The following TMCO6 variants were observed in gnomAD, a reference collection of about 807,000 sequenced individuals.
TMCO6 encodes transmembrane and coiled-coil domain-containing protein 6.
Under a neutral mutation model 61.8 loss-of-function variants are expected in TMCO6, and 47 were observed. The observed-to-expected ratio is 0.76, with a 90% CI of 0.60 to 0.97. The LOEUF is 0.97. Among genes scored for constraint, TMCO6 ranks in the 50% least tolerant of loss-of-function variants. TMCO6 has a pLI of 0.00. For synonymous variants in TMCO6, 261 were observed against 254.2 expected (o/e 1.03, Z -0.25); for missense variants, 557 against 601.6 (o/e 0.93, Z 0.78).
the TMCO6 span, among the ~76,000 whole-genome samples, chr5:140,601,407 T>G: frequency 6.6e-6 from 1 of 152,174 alleles, no homozygotes; most frequent in African/African-American, 2.4e-5. Context: ...AAGGTAAGGT[T>G]TCTTGAATTC....
chr5:140,604,062 T>C, the TMCO6 span, among the ~76,000 whole-genome samples: 1 of 152,198 alleles, frequency 6.6e-6, no homozygotes, highest in African/African-American at 2.4e-5. Context: ...TGATATCTCA[T>C]TGTGCCTTTA....
At chr5:140,620,560 C>G in the TMCO6 span, among the ~76,000 whole-genome samples, 3 of 152,066 alleles carry the variant, frequency 2.0e-5, no homozygotes, top group African/African-American at 7.2e-5. Flanking sequence ...GTAGGTTTGT[C>G]AATTGTAACA....
At chr5:140,609,964 C>T in the TMCO6 span, among the ~76,000 whole-genome samples, 15 of 152,042 alleles carry the variant, frequency 9.9e-5, no homozygotes, top group African/African-American at 3.6e-4. Flanking sequence ...CCTCAAGCCC[C>T]AGGGCTCAAG....
the TMCO6 span, among the ~76,000 whole-genome samples, chr5:140,608,195 T>C: frequency 2.0e-5 from 3 of 152,224 alleles, no homozygotes; most frequent in Non-Finnish European, 4.4e-5. Context: ...CAATGTTCAG[T>C]CAAGTTCTTT....
chr5:140,626,010 C>T, the TMCO6 span, among the ~76,000 whole-genome samples: 2 of 152,160 alleles, frequency 1.3e-5, no homozygotes, highest in Non-Finnish European at 2.9e-5. Flanking sequence ...ACTGATGATT[C>T]CCAGTTTCCT....
intron 7 of TMCO6, 198 bp downstream of exon 7, chr5:140,643,239 C>A: frequency 1.3e-6 from 1 of 762,732 alleles, no homozygotes; most frequent in Non-Finnish European, 2.1e-6. Context: ...GTCACCCAGG[C>A]TGGATGGAGT....
At chr5:140,642,273 A>T (rs12153256) in intron 4 of TMCO6, 42 bp from the exon 5 acceptor site, 365,823 of 1,545,180 alleles carry the variant, frequency 0.24, 44,126 homozygotes, top group East Asian at 0.28. Flanking sequence ...GCAGCCTGGC[A>T]TGAAACAGGC....
chr5:140,645,100 C>A lies in TMCO6; in HGVS notation c.*2C>A. The A allele has an allele frequency of 3.1e-6, 5 of 1,613,154 alleles. No homozygotes were observed. The highest frequency in any genetic ancestry group is 1.6e-4 in the Middle Eastern group (1 of 6,062). On this transcript the variant is annotated 3_prime_UTR_variant, in exon 12 of 12. Transcript: ENST00000394671. The stretch of plus-strand genomic sequence containing the variant: ...CAGCAGACAGCTCTTCAAGGGTGAT[C>A]TTGTTTCTCAATGTCACTCATTCCC...
the TMCO6 span, among the ~76,000 whole-genome samples, chr5:140,603,039 A>T: frequency 6.6e-6 from 1 of 152,084 alleles, no homozygotes; most frequent in East Asian, 1.9e-4. Context: ...AAAAAAAAAA[A>T]GTGTATGATT....
the TMCO6 span, among the ~76,000 whole-genome samples, chr5:140,612,334 C>CTT: frequency 0.21 from 23,571 of 110,488 alleles, 3,386 homozygotes; most frequent in Non-Finnish European, 0.25. Context: ...CTTGCCCAAT[C>CTT]TTTTTTTTTT....
the TMCO6 span, chr5:140,631,815 G>A: frequency 6.0e-6 from 9 of 1,510,448 alleles, no homozygotes; most frequent in African/African-American, 1.3e-4. Flanking sequence ...CTCCCCTGAA[G>A]CCAAGGCAGT....
At chr5:140,602,145 T>C in the TMCO6 span, among the ~76,000 whole-genome samples, 1 of 152,214 alleles carries the variant, frequency 6.6e-6, no homozygotes. Flanking sequence ...AGTATGAGAA[T>C]TGCTTACTCA....
At chr5:140,643,758 A>G in intron 8 of TMCO6, 22 bp from the exon 9 acceptor site, 1 of 1,607,356 alleles carries the variant, frequency 6.2e-7, no homozygotes, top group Non-Finnish European at 8.5e-7. Flanking sequence ...CTTACACCTG[A>G]CCCCCCAATT....
chr5:140,632,955 A>G, the TMCO6 span: 1 of 1,614,144 alleles, frequency 6.2e-7, no homozygotes, highest in South Asian at 1.1e-5. The surrounding 1 kb of genome is among the most constrained non-coding windows in gnomAD (Gnocchi z 6.2). Flanking sequence ...CGGCAGCAGC[A>G]GCAGCAACAA....
At position 140,643,815 on chromosome 5, in the gene TMCO6, GCTAA is replaced by G. The variant is rs749761400; in HGVS notation, c.957_960del (p.Thr320ArgfsTer63). Reference sequence around the variant, plus strand: ...CCGTGCTTCGATGTCTAAGCAACCTGCTAACTGAGGCAGCAGTGGAGACTGTGGG... The same window carrying G: ...CCGTGCTTCGATGTCTAAGCAACCTGCTGAGGCAGCAGTGGAGACTGTGGG... On this transcript the variant is annotated frameshift_variant, in exon 9 of 12. Transcript: ENST00000394671. LOFTEE classifies it high-confidence loss of function. 10 of 1,614,098 alleles carry G rather than the reference GCTAA, an allele frequency of 6.2e-6. No individual in the cohort carries two copies. The highest frequency in any genetic ancestry group is 1.3e-5 in the African/African-American group (1 of 74,924).
chr5:140,625,192 C>T, the TMCO6 span, among the ~76,000 whole-genome samples: 158 of 152,240 alleles, frequency 1.0e-3, no homozygotes, highest in African/African-American at 3.8e-3. Context: ...AAATTCCCAA[C>T]GAGTCTTCTA....
At chr5:140,605,079 G>A in the TMCO6 span, among the ~76,000 whole-genome samples, 1 of 152,034 alleles carries the variant, frequency 6.6e-6, no homozygotes, top group Admixed American at 6.6e-5. Context: ...GTATTCCAAG[G>A]AATTTTATTC....
the TMCO6 span, among the ~76,000 whole-genome samples, chr5:140,623,963 C>A: frequency 6.6e-6 from 1 of 150,618 alleles, no homozygotes; most frequent in African/African-American, 2.5e-5. Flanking sequence ...TGACCATTTC[C>A]CCCCACTTCT....
the TMCO6 span, among the ~76,000 whole-genome samples, chr5:140,614,716 G>A: frequency 5.9e-5 from 9 of 151,706 alleles, no homozygotes; most frequent in African/African-American, 1.7e-4. Context: ...CCAGGTTCAC[G>A]CCATTCTCCT....
Sources: allele counts gnomAD v4.1 joint callset (sites outside exome capture counted in the v4.1 genomes callset), GRCh38; gene constraint gnomAD v4.1.1; non-coding constraint Gnocchi (gnomAD v3.1); transcripts MANE v1.5; gene names NCBI Gene and HGNC (gene_info 2026-07-23, HGNC 2026-07-21).